PUM1: variants seen among roughly 807,000 people sequenced by gnomAD.
The protein encoded by PUM1 is pumilio homolog 1.
Under a neutral mutation model 131.8 loss-of-function variants are expected in PUM1, and 13 were observed. The ratio of observed to expected loss-of-function variants is 0.10; its 90% CI spans 0.06 to 0.16. The LOEUF is 0.16. Ranked by LOEUF, PUM1 falls within the 10% of genes least tolerant of loss-of-function variation. The probability of loss-of-function intolerance (pLI) is 1.00; values close to 1 mark genes in which losing one functional copy is unlikely to be tolerated. For missense variants in PUM1, 961 were observed against 1,512.4 expected (o/e 0.64, Z 6.05); for synonymous variants, 509 against 556.5 (o/e 0.91, Z 1.20).
intron 2 of PUM1, among the ~76,000 whole-genome samples, chr1:31,051,336 T>C (rs1307350902): frequency 6.7e-6 from 1 of 150,150 alleles, no homozygotes; most frequent in Non-Finnish European, 1.5e-5. Flanking sequence ...GGCATTTCGC[T>C]CTTGTTGCCC....
At chr1:31,028,151 A>C (rs2124545841) in intron 3 of PUM1, among the ~76,000 whole-genome samples, 1 of 152,228 alleles carries the variant, frequency 6.6e-6, no homozygotes, top group Non-Finnish European at 1.5e-5. Context: ...ACTTACAGCA[A>C]CCCTCTCTAT....
chr1:30,978,468 A>G (rs1487693188), intron 9 of PUM1, among the ~76,000 whole-genome samples: 1 of 152,326 alleles, frequency 6.6e-6, no homozygotes, highest in East Asian at 1.9e-4. Context: ...CAGCCAGATG[A>G]CCCTATGTTA....
chr1:30,968,168 G>A (rs200399390), intron 11 of PUM1, 186 bp downstream of exon 11: 84 of 830,488 alleles, frequency 1.0e-4, no homozygotes, highest in Admixed American at 3.4e-5. Context: ...CTTAAGACTG[G>A]CTCAGAACAA....
chr1:31,017,127 T>A (rs1234340053), intron 3 of PUM1, among the ~76,000 whole-genome samples: 1 of 152,172 alleles, frequency 6.6e-6, no homozygotes, highest in Non-Finnish European at 1.5e-5. Flanking sequence ...AAGTACTACT[T>A]GCACACACCC....
intron 2 of PUM1, among the ~76,000 whole-genome samples, chr1:31,037,432 T>C (rs1175796056): frequency 6.6e-6 from 1 of 152,158 alleles, no homozygotes; most frequent in African/African-American, 2.4e-5. Flanking sequence ...ATCTAAAACA[T>C]AATGAATTTA....
At chr1:30,974,089 A>G (rs1557564187) in intron 10 of PUM1, among the ~76,000 whole-genome samples, 1 of 130,496 alleles carries the variant, frequency 7.7e-6, no homozygotes, top group African/African-American at 2.7e-5. Flanking sequence ...CTCCATCTCA[A>G]AAAAAAAAAA....
chr1:30,997,552 G>A (rs1470396039), intron 5 of PUM1, among the ~76,000 whole-genome samples: 1 of 133,624 alleles, frequency 7.5e-6, no homozygotes, highest in African/African-American at 2.7e-5. Context: ...GCAGTAGGAA[G>A]TTTCAACAAC....
Position 31,028,818 on chromosome 1 carries a change from A to G in PUM1, c.410T>C (p.Leu137Pro). The G allele has an allele frequency of 1.2e-6, 2 of 1,614,026 alleles. No homozygotes were observed. The highest frequency in any genetic ancestry group is 1.7e-6 in the Non-Finnish European group (2 of 1,179,904). The change falls in exon 3 of 22, where the codon CTG (leucine) becomes CCG (proline). Residue 137 changes from leucine (L) to proline (P), a missense_variant. Leu to Pro is a moderately conservative substitution (Grantham distance 98). Coordinates refer to ENST00000426105, the MANE Select transcript of PUM1 (RefSeq NM_001020658.2). ...ELNHDFQALA[L>P]EGRAMGEQLL... ...TACCTCTCCCATCGCTCTTCCCTCCAGAGCAAGTGCTTGAAAATCATGATT... is the reference window on the plus strand; with the variant it reads ...TACCTCTCCCATCGCTCTTCCCTCCGGAGCAAGTGCTTGAAAATCATGATT...
chr1:31,056,609 C>CTTTTTTTTTTTTTTTTTTTTTT (rs57685772), intron 2 of PUM1, among the ~76,000 whole-genome samples: 1 of 43,688 alleles, frequency 2.3e-5, no homozygotes, highest in Non-Finnish European at 4.0e-5. Flanking sequence ...CTTTTCTTTT[C>CTTTTTTTTTTTTTTTTTTTTTT]TTTTTTTTTT....
intron 3 of PUM1, among the ~76,000 whole-genome samples, chr1:31,016,539 C>T (rs942305748): frequency 4.6e-5 from 7 of 152,036 alleles, no homozygotes; most frequent in South Asian, 4.2e-4. Flanking sequence ...GAAGTGCATC[C>T]ACTTTAATCA....
At chr1:30,955,712 A>C (rs1016706489) in intron 14 of PUM1, among the ~76,000 whole-genome samples, 10 of 152,256 alleles carry the variant, frequency 6.6e-5, no homozygotes, top group South Asian at 2.1e-4. Context: ...AACTCTTCAC[A>C]AGTCTTAATA....
intron 2 of PUM1, among the ~76,000 whole-genome samples, chr1:31,029,876 T>G (rs1643355252): frequency 1.4e-5 from 2 of 140,806 alleles, no homozygotes; most frequent in African/African-American, 5.4e-5. Context: ...ATCGCACCAC[T>G]GGACTCCAAT....
In PUM1 at chr1:30,966,035, C is replaced by T. The variant is rs563317280; in HGVS notation, c.2033G>A (p.Ser678Asn). The T allele has an allele frequency of 1.2e-6, 2 of 1,614,206 alleles. No individual in the cohort carries two copies. The highest frequency in any genetic ancestry group is 2.7e-5 in the African/African-American group (2 of 75,056). Residue 678 changes from serine (S) to asparagine (N), a missense_variant, in exon 13 of 22, where the codon AGC becomes AAC. Ser to Asn is a conservative substitution (Grantham distance 46, BLOSUM62 1). Coordinates refer to ENST00000426105, the MANE Select transcript of PUM1 (RefSeq NM_001020658.2). ...PANTSLGFGSSSSLGATLGSA... is the reference protein window; with the variant it reads ...PANTSLGFGSNSSLGATLGSA... ...TCCCAGGGTGGCGCCGAGAGAACTG[C>T]TACTTCCGAATCCCAAGGATGTGTT...
chr1:30,977,621 A>AT (rs1641191474), intron 9 of PUM1, among the ~76,000 whole-genome samples: 1 of 152,148 alleles, frequency 6.6e-6, no homozygotes, highest in South Asian at 2.1e-4. Context: ...AAGAATACAC[A>AT]TTTTCATAGT....
rs1161649497 is a variant in PUM1 at position 30,944,066 on chromosome 1, T to C, written c.2994+1280A>G. Among the ~76,000 whole-genome samples, 4 of 152,226 alleles carry C rather than the reference T, an allele frequency of 2.6e-5. No individual in the cohort carries two copies. In the East Asian group the frequency reaches 7.7e-4, roughly 29 times the overall value. On this transcript the variant is annotated intron_variant, in intron 18 of 21. Coordinates refer to ENST00000426105, the MANE Select transcript of PUM1 (RefSeq NM_001020658.2). ...TGGATTTATCGTTTTATCTTTTTTG[T>C]TGTATAATTCCATAAATGTAACATC... is the stretch of plus-strand genomic sequence containing the variant.
At chr1:30,969,114 G>A (rs1402855001) in intron 10 of PUM1, among the ~76,000 whole-genome samples, 1 of 151,974 alleles carries the variant, frequency 6.6e-6, no homozygotes, top group Non-Finnish European at 1.5e-5. Context: ...GACCAGCCTG[G>A]CCAACATGGC....
chr1:30,956,251 G>GT (rs959243542), intron 14 of PUM1, among the ~76,000 whole-genome samples: 31 of 150,972 alleles, frequency 2.1e-4, no homozygotes, highest in African/African-American at 3.4e-4. Context: ...TCATAAGACT[G>GT]TTTTTTTTTG....
Position 30,954,052 on chromosome 1 carries a change from C to T in PUM1, c.2324-71G>A, listed in dbSNP as rs976664386. 4.4e-5 allele frequency: 65 copies of T among 1,466,390 alleles called. No homozygotes were observed. The Admixed American group carries it at 4.9e-4, about 11-fold the overall frequency. 90.8% of individuals were successfully genotyped at this position (1,466,390 alleles called of 1,614,324 possible). ...TTCATTCAAGAGAGAAAAAAGCATT[C>T]CCACACCCGAAAGCCTGCACCATTT... On this transcript the variant is annotated intron_variant, in intron 14 of 21. Transcript: ENST00000426105.
chr1:30,965,554 T>TA (rs2124439185), intron 13 of PUM1, among the ~76,000 whole-genome samples: 1 of 152,366 alleles, frequency 6.6e-6, no homozygotes, highest in African/African-American at 2.4e-5. Context: ...ATGTCTACCT[T>TA]AAATTCTACT....
Sources: gnomAD v4.1 joint callset for allele counts (sites outside exome capture counted in the v4.1 genomes callset) on GRCh38, gnomAD v4.1.1 for gene constraint, MANE v1.5 for transcripts, NCBI Gene and HGNC (gene_info 2026-07-23, HGNC 2026-07-21) for gene names.